Variants in CEP120 observed in about 807,000 individuals in gnomAD.
The protein encoded by CEP120 is centrosomal protein 120.
In CEP120, 113 loss-of-function variants were observed where a neutral mutation model predicts 126.5. The observed-to-expected ratio is 0.89, with a 90% CI of 0.77 to 1.04. CEP120 has a LOEUF of 1.04. Among genes scored for constraint, CEP120 ranks in the 50% least tolerant of loss-of-function variants. The pLI, the probability that CEP120 is intolerant of heterozygous loss-of-function variation, is 0.00. For synonymous variants in CEP120, 400 were observed against 394.3 expected, an observed-to-expected ratio of 1.01 and a Z score of -0.17; for missense variants, 1,230 against 1,155.7, an observed-to-expected ratio of 1.06 and a Z score of -0.93.
Position 123,349,932 on chromosome 5 carries a change from T to C in CEP120, c.2726+12A>G, listed in dbSNP as rs1323288324. 7 of 1,606,954 alleles carry C rather than the reference T, an allele frequency of 4.4e-6. No individual in the cohort carries two copies. Among genetic ancestry groups the C allele is most frequent in the African/African-American group, 1.3e-5 (1 of 74,542 alleles). Reference sequence around the variant, plus strand: ...CTTTGGCTTTTGAAAGAAACACTTTTAGTTATTATACCTGTTCAATTCATT... The same window carrying C: ...CTTTGGCTTTTGAAAGAAACACTTTCAGTTATTATACCTGTTCAATTCATT... On this transcript the variant is annotated intron_variant, in intron 19 of 19. Coordinates refer to ENST00000306467, the MANE Select transcript of CEP120 (RefSeq NM_001375405.1).
At chr5:123,402,394 A>T in intron 4 of CEP120, 1 of 1,307,646 alleles carries the variant, frequency 7.6e-7, no homozygotes, top group Non-Finnish European at 1.0e-6. Flanking sequence ...AGATCCTAGA[A>T]GGAGCGGAGA....
At chr5:123,407,086 A>G (rs932651821) in intron 4 of CEP120, among the ~76,000 whole-genome samples, 3 of 148,694 alleles carry the variant, frequency 2.0e-5, no homozygotes, top group African/African-American at 5.0e-5. Flanking sequence ...TGCAAACTCT[A>G]GGGCAACCAC....
intron 5 of CEP120, among the ~76,000 whole-genome samples, chr5:123,393,901 G>T (rs1772577880): frequency 6.6e-6 from 1 of 152,184 alleles, no homozygotes; most frequent in African/African-American, 2.4e-5. Context: ...AGGTTTTAAA[G>T]AAATTTAATC....
rs35574017 is a variant in CEP120, at chr5:123,393,219, C to T, written c.810+81G>A. On this transcript the variant is annotated intron_variant, in intron 6 of 19. Transcript: ENST00000306467. ...ACTGAAATAGGATTAAGTTTAGGTACTAAACTCTCGTTTAGTTTAGGTACT... is the reference window on the plus strand; with the variant it reads ...ACTGAAATAGGATTAAGTTTAGGTATTAAACTCTCGTTTAGTTTAGGTACT... 0.43 allele frequency: 555,897 copies of T among 1,281,168 alleles called. 121,425 individuals carry two copies. The highest frequency in any genetic ancestry group is 0.48 in the Middle Eastern group (2,522 of 5,270). The allele number at this position is 1,281,168 out of a possible 1,614,324, so 79.4% of individuals were successfully genotyped here.
chr5:123,375,054 A>T lies in CEP120; in HGVS notation c.2359-2282T>A, dbSNP rs148201542. On this transcript the variant is annotated intron_variant, in intron 16 of 19. Transcript: ENST00000306467. Reference sequence around the variant, plus strand: ...TACCAGTCTAGTTAGAATTGTGTGTATAATACATGTAACATGGTCAAGGTA... The same window carrying T: ...TACCAGTCTAGTTAGAATTGTGTGTTTAATACATGTAACATGGTCAAGGTA... Among the ~76,000 whole-genome samples, 352 of 152,258 alleles carry T rather than the reference A, an allele frequency of 2.3e-3. 4 individuals are homozygous for T. Among genetic ancestry groups the T allele is most frequent in the African/African-American group, 8.1e-3 (338 of 41,572 alleles).
chr5:123,386,774 A>C, intron 9 of CEP120, 107 bp from the exon 10 acceptor site: 3 of 852,666 alleles, frequency 3.5e-6, no homozygotes, highest in Non-Finnish European at 4.9e-6. Flanking sequence ...TTATGAGCAA[A>C]TACAACTTTT....
chr5:123,405,084 C>T lies in CEP120; in HGVS notation c.464-5800G>A, dbSNP rs532990554. ...AAAAGTTGAACAAACTAAAAATTAA[C>T]AACTCTCCATAGATCTGTCAGAGAA... On this transcript the variant is annotated intron_variant, in intron 4 of 19. Transcript: ENST00000306467. Among the ~76,000 whole-genome samples, 234 of 152,262 alleles carry T rather than the reference C, an allele frequency of 1.5e-3. 2 individuals are homozygous for T. The highest frequency in any genetic ancestry group is 9.9e-4 in the Non-Finnish European group (67 of 68,020).
chr5:123,377,141 A>C (rs890778302), intron 16 of CEP120, among the ~76,000 whole-genome samples: 4 of 152,154 alleles, frequency 2.6e-5, no homozygotes, highest in Non-Finnish European at 5.9e-5. Context: ...TGCTTAAAGA[A>C]GACTTATCAG....
chr5:123,359,404 T>C (rs1769902042), intron 18 of CEP120, among the ~76,000 whole-genome samples: 1 of 152,106 alleles, frequency 6.6e-6, no homozygotes, highest in Non-Finnish European at 1.5e-5. Context: ...CTTAATGATA[T>C]TCTAAGATGT....
At chr5:123,357,947 A>C (rs987090358) in intron 18 of CEP120, among the ~76,000 whole-genome samples, 2 of 152,146 alleles carry the variant, frequency 1.3e-5, no homozygotes, top group African/African-American at 4.8e-5. Flanking sequence ...AATTAGTATA[A>C]CCACTTTAAA....
intron 16 of CEP120, among the ~76,000 whole-genome samples, chr5:123,373,616 A>G (rs1208897512): frequency 1.3e-5 from 2 of 152,092 alleles, no homozygotes; most frequent in Non-Finnish European, 2.9e-5. Context: ...AGGCCTACAC[A>G]GGATTCTGGG....
At chr5:123,423,680 A>C (rs1774874699), upstream of CEP120, 1 of 152,234 alleles carries the variant, frequency 6.6e-6, no homozygotes, top group African/African-American at 2.4e-5. Context: ...GAGTTATATT[A>C]GTGGGGATTA....
intron 18 of CEP120, among the ~76,000 whole-genome samples, chr5:123,363,540 C>T (rs1048399702): frequency 1.3e-5 from 2 of 151,450 alleles, no homozygotes; most frequent in Non-Finnish European, 3.0e-5. Context: ...ATAATATAGT[C>T]ACATGGTACA....
chr5:123,392,635 C>T (rs762870963), intron 6 of CEP120, among the ~76,000 whole-genome samples: 4 of 152,082 alleles, frequency 2.6e-5, no homozygotes, highest in East Asian at 1.9e-4. Context: ...CTCACCCTCC[C>T]GAGTAGTTAA....
chr5:123,412,595 T>C lies in CEP120; in HGVS notation c.322-55A>G, dbSNP rs559647567. ...AATAGTTAATAAGGGAAAAAACATA[T>C]TGGGAAATGCTATACAGTTCTAAAT... is the stretch of plus-strand genomic sequence containing the variant. On this transcript the variant is annotated intron_variant, in intron 3 of 19. Coordinates refer to ENST00000306467, the MANE Select transcript of CEP120 (RefSeq NM_001375405.1). 6.8e-5 allele frequency: 90 copies of C among 1,315,258 alleles called. No individual in the cohort carries two copies. In the South Asian group the frequency reaches 1.3e-3, roughly 19 times the overall value. 81.5% of individuals were successfully genotyped at this position (1,315,258 alleles called of 1,614,324 possible).
chr5:123,392,501 C>T (rs575093102), intron 6 of CEP120, among the ~76,000 whole-genome samples: 1 of 152,268 alleles, frequency 6.6e-6, no homozygotes, highest in African/African-American at 2.4e-5. Flanking sequence ...GTAATGCTTA[C>T]TAGGTAAGGT....
rs151185051 is a variant in CEP120, at chr5:123,404,138, A to T, written c.464-4854T>A. The stretch of plus-strand genomic sequence containing the variant: ...GTGCATTAGGTAGTAAATTCCTCTC[A>T]AACAGTCCAGGGAAAAATATTCTTC... On this transcript the variant is annotated intron_variant, in intron 4 of 19. Coordinates refer to ENST00000306467, the MANE Select transcript of CEP120 (RefSeq NM_001375405.1). 2.6e-3 allele frequency among the ~76,000 whole-genome samples: 386 copies of T among 148,356 alleles called. 2 individuals are homozygous for T. The highest frequency in any genetic ancestry group is 9.1e-3 in the African/African-American group (365 of 40,146).
At chr5:123,413,095 C>T (rs950741640) in intron 3 of CEP120, among the ~76,000 whole-genome samples, 28 of 151,514 alleles carry the variant, frequency 1.8e-4, no homozygotes, top group African/African-American at 5.3e-4. Context: ...GGTGAAACCC[C>T]GTCTGTCTCT....
At chr5:123,413,271 G>A (rs529209735) in intron 3 of CEP120, among the ~76,000 whole-genome samples, 19 of 148,642 alleles carry the variant, frequency 1.3e-4, no homozygotes, top group South Asian at 1.1e-3. Flanking sequence ...AAGCCCTGTC[G>A]CAAAAAAAAA....
Sources: gnomAD v4.1 joint callset for allele counts (sites outside exome capture counted in the v4.1 genomes callset) on GRCh38, gnomAD v4.1.1 for gene constraint, MANE v1.5 for transcripts, NCBI Gene and HGNC (gene_info 2026-07-23, HGNC 2026-07-21) for gene names.